The following CEACAM16 variants were observed in gnomAD, a reference collection of about 807,000 sequenced individuals.
CEACAM16 encodes the protein CEA cell adhesion molecule 16, tectorial membrane component, also known as cell adhesion molecule CEACAM16.
CEACAM16 carries 30 observed loss-of-function variants against 39.4 expected under a neutral mutation model. The observed-to-expected ratio is 0.76, with a 90% CI of 0.57 to 1.03. The LOEUF (loss-of-function observed/expected upper bound fraction) is 1.03. Among genes scored for constraint, CEACAM16 ranks in the 50% least tolerant of loss-of-function variants. The probability of loss-of-function intolerance (pLI) is 0.00; values close to 1 mark genes in which losing one functional copy is unlikely to be tolerated. For synonymous variants in CEACAM16, 262 were observed against 264.9 expected, an observed-to-expected ratio of 0.99 and a Z score of 0.11; for missense variants, 521 against 585.3, an observed-to-expected ratio of 0.89 and a Z score of 1.13.
intron 4 of CEACAM16, 145 bp from the exon 5 acceptor site, chr19:44,705,445 T>C: frequency 1.4e-6 from 1 of 706,850 alleles, no homozygotes. Context: ...CTAGAACAAG[T>C]TAGAGTTAAG....
chr19:44,708,278 T>C, intron 6 of CEACAM16, 91 bp downstream of exon 6: 2 of 1,285,304 alleles, frequency 1.6e-6, no homozygotes, highest in South Asian at 3.2e-5. Context: ...TGGGGGGACA[T>C]AGACCAAAGA....
At chr19:44,703,926 C>T (rs1974394987) in intron 3 of CEACAM16, 92 bp from the exon 4 acceptor site, 10 of 1,402,808 alleles carry the variant, frequency 7.1e-6, no homozygotes, top group Non-Finnish European at 9.5e-6. Context: ...GGGGCCCAGC[C>T]ACAATCCGGC....
In CEACAM16 at chr19:44,710,496, C is replaced by T. The variant is rs1287924911; in HGVS notation, c.1268C>T (p.Pro423Leu). The change falls in exon 7 of 7, where the codon CCC becomes CTC. Residue 423 changes from proline to leucine, a missense_variant and splice_region_variant. Pro to Leu is a moderately conservative substitution (Grantham distance 98). Coordinates refer to ENST00000587331, the MANE Select transcript of CEACAM16 (RefSeq NM_001039213.4). Reference sequence around the variant, plus strand: ...CCCCCTCGCCCCATATGCCCCACAGCCCTGGGGTAACAGCGTGACCCTGGA... The same window carrying T: ...CCCCCTCGCCCCATATGCCCCACAGTCCTGGGGTAACAGCGTGACCCTGGA... The part of the protein sequence containing the change: ...ETLEVELQVA[P>L]LG The T allele has an allele frequency of 1.2e-6, 2 of 1,613,510 alleles. No homozygotes were observed. The highest frequency in any genetic ancestry group is 1.7e-6 in the Non-Finnish European group (2 of 1,179,652).
chr19:44,704,125 TG>T lies in CEACAM16; in HGVS notation c.492del (p.Trp164CysfsTer54), dbSNP rs1568527414. On this transcript the variant is annotated frameshift_variant, in exon 4 of 7. Coordinates refer to ENST00000587331, the MANE Select transcript of CEACAM16 (RefSeq NM_001039213.4). LOFTEE classifies it high-confidence loss of function. Reference protein sequence around the residue: ...SSPSPTAEVRWFFNGGALPVA... With the variant: ...SSPSPTAEVRXFFNGGALPVA... ...CCCCAGCCCCACCGCCGAGGTCCGC[TG>T]GTTCTTCAACGGTGGGGCCCTGCCC... 5 of 1,599,138 alleles carry T rather than the reference TG, an allele frequency of 3.1e-6. No homozygotes were observed. The South Asian group carries it at 3.4e-5, about 11-fold the overall frequency.
In CEACAM16 at chr19:44,704,283, C is replaced by A; in HGVS notation, c.648C>A (p.Asn216Lys). The change falls in exon 4 of 7, where the codon AAC becomes AAA. Residue 216 changes from asparagine to lysine, a missense_variant. Coordinates refer to ENST00000587331, the MANE Select transcript of CEACAM16 (RefSeq NM_001039213.4). ...PVSVSRSEPI[N>K]LTVYFGPERV... ...GTGTCAGCCGCAGCGAGCCCATCAA[C>A]CTGACCGTGTACTGTGAGTCCTCCT... 6.6e-7 allele frequency: 1 copy of A among 1,517,236 alleles called. No individual in the cohort carries two copies. Among genetic ancestry groups the A allele is most frequent in the South Asian group, 1.2e-5 (1 of 81,018 alleles). 94.0% of individuals were successfully genotyped at this position (1,517,236 alleles called of 1,614,324 possible). A position where few individuals can be genotyped will look rare whatever the true frequency, so the allele number is the denominator to read the frequency against.
chr19:44,710,718 A>G lies in CEACAM16; in HGVS notation c.*212A>G. 1.8e-6 allele frequency: 1 copy of G among 566,634 alleles called. No homozygotes were observed. Among genetic ancestry groups the G allele is most frequent in the Non-Finnish European group, 3.1e-6 (1 of 319,986 alleles). The allele number at this position is 566,634 out of a possible 1,614,324, so 35.1% of individuals were successfully genotyped here. On this transcript the variant is annotated 3_prime_UTR_variant, in exon 7 of 7. Coordinates refer to ENST00000587331, the MANE Select transcript of CEACAM16 (RefSeq NM_001039213.4). ...AGGCCATAAACGTCCTGGTTAATGCACACGTGTGTCAGCCTCTCCTTCCAC... is the reference window on the plus strand; with the variant it reads ...AGGCCATAAACGTCCTGGTTAATGCGCACGTGTGTCAGCCTCTCCTTCCAC...
In CEACAM16 at chr19:44,703,650, G is replaced by C. The variant is rs762568989; in HGVS notation, c.339G>C (p.Arg113Ser). 6.3e-7 allele frequency: 1 copy of C among 1,592,854 alleles called. No individual in the cohort carries two copies. Among genetic ancestry groups the C allele is most frequent in the South Asian group, 1.1e-5 (1 of 88,896 alleles). Residue 113 changes from arginine to serine, a missense_variant, in exon 3 of 7, where the codon AGG (arginine) becomes AGC (serine). Arg to Ser is a moderately radical substitution (Grantham distance 110). Coordinates refer to ENST00000587331, the MANE Select transcript of CEACAM16 (RefSeq NM_001039213.4). ...CCTACATCCTGCAGACCTTCAACAG[G>C]CAGTTGCAGACCGAGGTGGGCTACG... is the stretch of plus-strand genomic sequence containing the variant. ...SGTYILQTFN[R>S]QLQTEVGYGH...
chr19:44,710,670 G>A lies in CEACAM16; in HGVS notation c.*164G>A, dbSNP rs918908054. 27 of 966,478 alleles carry A rather than the reference G, an allele frequency of 2.8e-5. No individual in the cohort carries two copies. The highest frequency in any genetic ancestry group is 4.4e-4 in the Middle Eastern group (2 of 4,574). 59.9% of individuals were successfully genotyped at this position (966,478 alleles called of 1,614,324 possible). On this transcript the variant is annotated 3_prime_UTR_variant, in exon 7 of 7. Coordinates refer to ENST00000587331, the MANE Select transcript of CEACAM16 (RefSeq NM_001039213.4). Reference sequence around the variant, plus strand: ...TAGAGCCACAGGGCCCCACTCCCTCGCTGAGCTGTTGGGGAGCCACCGAGG... The same window carrying A: ...TAGAGCCACAGGGCCCCACTCCCTCACTGAGCTGTTGGGGAGCCACCGAGG...
At chr19:44,706,589 G>A (rs779144686) in intron 5 of CEACAM16, among the ~76,000 whole-genome samples, 20 of 152,188 alleles carry the variant, frequency 1.3e-4, no homozygotes, top group South Asian at 4.1e-4. Flanking sequence ...TAACAGGCTG[G>A]GTCTCATCCA....
intron 4 of CEACAM16, 90 bp downstream of exon 4, chr19:44,704,386 C>T: frequency 7.2e-7 from 1 of 1,397,276 alleles, no homozygotes; most frequent in East Asian, 2.5e-5. Context: ...TAAGGGCACA[C>T]AGCGAGTCAG....
At chr19:44,704,777 A>G (rs1974416382) in intron 4 of CEACAM16, among the ~76,000 whole-genome samples, 2 of 146,042 alleles carry the variant, frequency 1.4e-5, no homozygotes, top group African/African-American at 4.9e-5. Context: ...ACAACAAACA[A>G]AAAAAATACA....
In CEACAM16 at chr19:44,704,194, G is replaced by A. The variant is rs771410787; in HGVS notation, c.559G>A (p.Ala187Thr). The change falls in exon 4 of 7, where the codon GCC becomes ACC. Residue 187 changes from alanine to threonine, a missense_variant. Transcript: ENST00000587331. ...CCTGTCCCCTGACGGCCGGGTGCTG[G>A]CCAGGCATGGCATCCGCCGGGAGGA... Reference protein sequence around the residue: ...LGLSPDGRVLARHGIRREEAG... With the variant: ...LGLSPDGRVLTRHGIRREEAG... 1.9e-6 allele frequency: 3 copies of A among 1,564,758 alleles called. No homozygotes were observed. The highest frequency in any genetic ancestry group is 1.2e-5 in the South Asian group (1 of 85,166).
chr19:44,703,601 G>A lies in CEACAM16; in HGVS notation c.290G>A (p.Gly97Asp), dbSNP rs757252660. Residue 97 changes from glycine (G) to aspartate (D), a missense_variant, in exon 3 of 7, where the codon GGC becomes GAC. Gly to Asp is a moderately conservative substitution (Grantham distance 94). Coordinates refer to ENST00000587331, the MANE Select transcript of CEACAM16 (RefSeq NM_001039213.4). ...VRPDGSLDIQGILPRHSGTYI... is the reference protein window; with the variant it reads ...VRPDGSLDIQDILPRHSGTYI... The stretch of plus-strand genomic sequence containing the variant: ...CCCGATGGCAGCCTGGACATCCAGG[G>A]CATCCTGCCCCGGCACTCAGGCACC... The A allele has an allele frequency of 1.9e-6, 3 of 1,603,632 alleles. No individual in the cohort carries two copies. Among genetic ancestry groups the A allele is most frequent in the Non-Finnish European group, 2.6e-6 (3 of 1,176,234 alleles).
At chr19:44,708,236 C>T in intron 6 of CEACAM16, 49 bp downstream of exon 6, 1 of 1,448,442 alleles carries the variant, frequency 6.9e-7, no homozygotes, top group Non-Finnish European at 9.2e-7. Context: ...GACAAGGGCT[C>T]CCAAAAGGAG....
chr19:44,700,059 G>T (rs1456132791), intron 1 of CEACAM16, among the ~76,000 whole-genome samples: 1 of 152,184 alleles, frequency 6.6e-6, no homozygotes, highest in Non-Finnish European at 1.5e-5. Context: ...AGGCTGGAGT[G>T]CAGTGGTGTG....
chr19:44,700,307 C>T (rs931479936), intron 1 of CEACAM16, among the ~76,000 whole-genome samples: 1 of 152,034 alleles, frequency 6.6e-6, no homozygotes, highest in Admixed American at 6.6e-5. Context: ...ACCCAGCTAA[C>T]TTATATTTTT....
At chr19:44,702,475 A>G (rs1413323075) in intron 2 of CEACAM16, among the ~76,000 whole-genome samples, 1 of 152,264 alleles carries the variant, frequency 6.6e-6, no homozygotes, top group Non-Finnish European at 1.5e-5. Flanking sequence ...CAGCCTGGAA[A>G]GTACCAGAAA....
chr19:44,708,007 A>G lies in CEACAM16; in HGVS notation c.1087A>G (p.Ser363Gly), dbSNP rs764740797. ...TGCCTCCGAGCCCAACCGGCTGCTC[A>G]GCCAGCTGCCGTCAGGAACCTGGAT... Reference protein sequence around the residue: ...GPASEPNRLLSQLPSGTWIAG... With the variant: ...GPASEPNRLLGQLPSGTWIAG... The change falls in exon 6 of 7, where the codon AGC becomes GGC. Residue 363 changes from serine (S) to glycine (G), a missense_variant. Coordinates refer to ENST00000587331, the MANE Select transcript of CEACAM16 (RefSeq NM_001039213.4). 2 of 1,610,246 alleles carry G rather than the reference A, an allele frequency of 1.2e-6. No homozygotes were observed. Among genetic ancestry groups the G allele is most frequent in the South Asian group, 2.2e-5 (2 of 90,518 alleles).
At chr19:44,699,549 G>A in intron 1 of CEACAM16, 2 of 389,960 alleles carry the variant, frequency 5.1e-6, no homozygotes, top group South Asian at 3.9e-5. Context: ...GCTAATTTTT[G>A]TATTTTTAGT....
Sources: gnomAD v4.1 joint callset for allele counts (sites outside exome capture counted in the v4.1 genomes callset) on GRCh38, gnomAD v4.1.1 for gene constraint, MANE v1.5 for transcripts, NCBI Gene and HGNC (gene_info 2026-07-23, HGNC 2026-07-21) for gene names.